The following TYW1B variants were observed in gnomAD, a reference collection of about 807,000 sequenced individuals.
The protein encoded by TYW1B is S-adenosyl-L-methionine-dependent tRNA 4-demethylwyosine synthase TYW1B.
Under a neutral mutation model 86.9 loss-of-function variants are expected in TYW1B, and 73 were observed. That is an observed-to-expected ratio of 0.84 (90% CI 0.70 to 1.02). The LOEUF (loss-of-function observed/expected upper bound fraction) is 1.02, where lower values mean the gene tolerates loss of function less well. Among genes scored for constraint, TYW1B ranks in the 50% least tolerant of loss-of-function variants. TYW1B has a pLI of 0.00. For missense variants in TYW1B, 637 were observed against 827.4 expected (o/e 0.77, Z 2.82); for synonymous variants, 248 against 292.8 (o/e 0.85, Z 1.56).
At chr7:72,658,180 G>A (rs1380538171) in intron 11 of TYW1B, among the ~76,000 whole-genome samples, 3 of 152,134 alleles carry the variant, frequency 2.0e-5, no homozygotes, top group Admixed American at 2.0e-4. Flanking sequence ...GAACCCACGA[G>A]GTGGAACTTG....
intron 10 of TYW1B, among the ~76,000 whole-genome samples, chr7:72,701,106 T>C (rs1232996514): frequency 1.3e-5 from 2 of 152,070 alleles, no homozygotes; most frequent in South Asian, 4.1e-4. Flanking sequence ...CTGTAGTTCT[T>C]TGAACACATT....
Position 72,828,134 on chromosome 7 carries a change from C to T in TYW1B, c.-59G>A, listed in dbSNP as rs7791253. The T allele has an allele frequency of 1.6e-3, 2,589 of 1,610,154 alleles. 38 individuals carry two copies. The African/African-American group carries it at 0.021, about 13-fold the overall frequency. On this transcript the variant is annotated 5_prime_UTR_variant, in exon 1 of 14. The change creates a new upstream start codon in the 5' untranslated region. Coordinates refer to ENST00000620995, the MANE Select transcript of TYW1B (RefSeq NM_001145440.3). ...GACCTGGAGAGCCCAAAGGTTCGCACTGGTACTGCGAGACGCACCGAGCTA... is the reference window on the plus strand; with the variant it reads ...GACCTGGAGAGCCCAAAGGTTCGCATTGGTACTGCGAGACGCACCGAGCTA...
At chr7:72,708,854 T>TCTATAGCCCAG (rs1554454100) in intron 10 of TYW1B, among the ~76,000 whole-genome samples, 1 of 152,232 alleles carries the variant, frequency 6.6e-6, no homozygotes, top group Non-Finnish European at 1.5e-5. Flanking sequence ...GTTGCACTAC[T>TCTATAGCCCAG]CTATAGCCCA....
At chr7:72,737,793 T>C (rs1787223723) in intron 8 of TYW1B, among the ~76,000 whole-genome samples, 1 of 150,996 alleles carries the variant, frequency 6.6e-6, no homozygotes, top group Admixed American at 6.6e-5. Context: ...ACTTCTTTTT[T>C]TTTTTTTTTG....
intron 8 of TYW1B, among the ~76,000 whole-genome samples, chr7:72,733,476 G>A (rs542324311): frequency 2.3e-3 from 349 of 152,050 alleles, no homozygotes; most frequent in African/African-American, 7.7e-3. Context: ...TGGCTAATAC[G>A]GTGAAACCCT....
chr7:72,728,911 C>T lies in TYW1B; in HGVS notation c.1103G>A (p.Gly368Asp), dbSNP rs1787055402. The change falls in exon 9 of 14, where the codon GGC becomes GAC. Residue 368 changes from glycine to aspartate, a missense_variant. Coordinates refer to ENST00000620995, the MANE Select transcript of TYW1B (RefSeq NM_001145440.3). ...FCWWHHNNPV[G>D]TEWLWKMDQP... is the part of the protein sequence containing the mutation. ...GTCCATCTTCCACAACCATTCAGTG[C>T]CCACAGGGTTGTTGTGGTGCCTAGG... 1 of 1,613,854 alleles carries T rather than the reference C, an allele frequency of 6.2e-7. No individual in the cohort carries two copies. The highest frequency in any genetic ancestry group is 8.5e-7 in the Non-Finnish European group (1 of 1,179,850).
chr7:72,731,403 A>AG (rs2129571078), intron 8 of TYW1B, among the ~76,000 whole-genome samples: 1 of 150,442 alleles, frequency 6.6e-6, no homozygotes, highest in East Asian at 1.9e-4. Context: ...CAAAAAAAAA[A>AG]AAAAAAAAAA....
chr7:72,821,719 A>G (rs1788830748), intron 2 of TYW1B, among the ~76,000 whole-genome samples: 1 of 152,156 alleles, frequency 6.6e-6, no homozygotes, highest in Non-Finnish European at 1.5e-5. Flanking sequence ...GACAAACTGG[A>G]CATGGGTTGT....
At chr7:72,704,793 T>G (rs1814574554) in intron 10 of TYW1B, among the ~76,000 whole-genome samples, 1 of 152,048 alleles carries the variant, frequency 6.6e-6, no homozygotes, top group Non-Finnish European at 1.5e-5. Flanking sequence ...TGAAAAGTTA[T>G]CCTCCAACGT....
At chr7:72,741,346 G>C (rs1195082888) in intron 8 of TYW1B, among the ~76,000 whole-genome samples, 1 of 152,014 alleles carries the variant, frequency 6.6e-6, no homozygotes, top group African/African-American at 2.4e-5. Flanking sequence ...TTCACTAGAG[G>C]GTTTCAACAG....
intron 11 of TYW1B, among the ~76,000 whole-genome samples, chr7:72,637,252 G>A (rs1157517783): frequency 1.6e-4 from 25 of 151,974 alleles, no homozygotes; most frequent in African/African-American, 4.1e-4. Context: ...ATAATTCAAC[G>A]ATGAAATCAT....
intron 7 of TYW1B, among the ~76,000 whole-genome samples, chr7:72,748,147 T>C (rs1787427967): frequency 6.6e-6 from 1 of 151,988 alleles, no homozygotes; most frequent in Admixed American, 6.6e-5. Flanking sequence ...CGGGCGCCTG[T>C]AGTCCCAGCT....
intron 7 of TYW1B, among the ~76,000 whole-genome samples, chr7:72,772,788 T>C (rs1164452251): frequency 6.6e-6 from 1 of 152,192 alleles, no homozygotes; most frequent in African/African-American, 2.4e-5. Flanking sequence ...AGAAATACAG[T>C]CTGGATGACA....
intron 11 of TYW1B, among the ~76,000 whole-genome samples, chr7:72,659,624 A>C (rs1813284223): frequency 6.6e-6 from 1 of 152,196 alleles, no homozygotes; most frequent in South Asian, 2.1e-4. Context: ...TATGTGTAAG[A>C]GGCAAGTTGA....
At chr7:72,632,427 T>TATATACGTATATATATATA (rs1812551232) in intron 11 of TYW1B, among the ~76,000 whole-genome samples, 1 of 89,826 alleles carries the variant, frequency 1.1e-5, no homozygotes, top group African/African-American at 6.7e-5. Flanking sequence ...ATATATAAAA[T>TATATACGTATATATATATA]ATATATATAC....
At chr7:72,676,863 T>C (rs1813747223) in intron 11 of TYW1B, among the ~76,000 whole-genome samples, 1 of 151,578 alleles carries the variant, frequency 6.6e-6, no homozygotes, top group South Asian at 2.1e-4. Flanking sequence ...GAAGCTGAGG[T>C]GGGAGGATCG....
intron 6 of TYW1B, among the ~76,000 whole-genome samples, chr7:72,799,935 T>C (rs1468668187): frequency 2.0e-5 from 3 of 152,212 alleles, no homozygotes; most frequent in Non-Finnish European, 4.4e-5. Flanking sequence ...TTCTAGATTT[T>C]GAATCATACA....
At chr7:72,585,952 C>A (rs1328795461) in intron 13 of TYW1B, among the ~76,000 whole-genome samples, 4 of 152,130 alleles carry the variant, frequency 2.6e-5, no homozygotes, top group African/African-American at 4.8e-5. Flanking sequence ...TCCCATATTG[C>A]AGTTAAGAAT....
intron 7 of TYW1B, among the ~76,000 whole-genome samples, chr7:72,757,039 G>A (rs187567876): frequency 4.6e-5 from 7 of 152,184 alleles, no homozygotes; most frequent in Admixed American, 2.6e-4. Context: ...GGTAGGAAAT[G>A]AATAAAAACG....
Sources: gnomAD v4.1 joint callset for allele counts (sites outside exome capture counted in the v4.1 genomes callset) on GRCh38, gnomAD v4.1.1 for gene constraint, MANE v1.5 for transcripts, NCBI Gene and HGNC (gene_info 2026-07-23, HGNC 2026-07-21) for gene names.